MTCL2: variants seen among roughly 807,000 people sequenced by gnomAD.
MTCL2 encodes microtubule cross-linking factor 2.
chr20:36,843,382 C>T, the MTCL2 span, among the ~76,000 whole-genome samples: 1 of 152,170 alleles, frequency 6.6e-6, no homozygotes. Flanking sequence ...GTTTTCCTGC[C>T]CATCGGTTTG....
At chr20:36,787,959 G>A in the MTCL2 span, among the ~76,000 whole-genome samples, 36 of 149,756 alleles carry the variant, frequency 2.4e-4, no homozygotes, top group Non-Finnish European at 5.0e-4. Context: ...CCAGCACTTT[G>A]GGAGGCTATG....
At chr20:36,849,475 C>A in the MTCL2 span, among the ~76,000 whole-genome samples, 1 of 152,146 alleles carries the variant, frequency 6.6e-6, no homozygotes, top group African/African-American at 2.4e-5. Context: ...CTCTGTGTCA[C>A]CCAGGCTGGA....
At chr20:36,837,852 C>T in the MTCL2 span, among the ~76,000 whole-genome samples, 1 of 152,176 alleles carries the variant, frequency 6.6e-6, no homozygotes, top group African/African-American at 2.4e-5. Context: ...GCTGGGATTA[C>T]AGGCATGAGC....
chr20:36,786,365 C>T, the MTCL2 span: 430,632 of 1,348,878 alleles, frequency 0.32, 72,129 homozygotes, highest in Middle Eastern at 0.43. Context: ...TCACTGCTGT[C>T]CCTCCAGGGC....
chr20:36,862,636 C>G, the MTCL2 span: 1 of 1,487,552 alleles, frequency 6.7e-7, no homozygotes, highest in South Asian at 1.3e-5. Flanking sequence ...TGCGACCTCC[C>G]TTTCTACCCG....
At chr20:36,795,101 G>A in the MTCL2 span, among the ~76,000 whole-genome samples, 1 of 152,072 alleles carries the variant, frequency 6.6e-6, no homozygotes, top group African/African-American at 2.4e-5. Context: ...ACCACGCCCA[G>A]CTAATTTTTG....
chr20:36,844,574 C>T, the MTCL2 span, among the ~76,000 whole-genome samples: 1 of 151,768 alleles, frequency 6.6e-6, no homozygotes, highest in African/African-American at 2.4e-5. Flanking sequence ...CCTGTGGCCC[C>T]AGCTACTTGG....
chr20:36,862,770 G>A, the MTCL2 span: 2 of 1,442,902 alleles, frequency 1.4e-6, no homozygotes, highest in East Asian at 5.9e-5. Flanking sequence ...GGCGCTGAGC[G>A]GCAAGCGGCT....
At chr20:36,860,949 C>G in the MTCL2 span, among the ~76,000 whole-genome samples, 38 of 152,154 alleles carry the variant, frequency 2.5e-4, no homozygotes, top group Non-Finnish European at 4.9e-4. Context: ...ACTGTTTTCC[C>G]CTTTAAACAG....
At chr20:36,789,932 A>G in the MTCL2 span, among the ~76,000 whole-genome samples, 5,874 of 151,068 alleles carry the variant, frequency 0.039, 203 homozygotes, top group African/African-American at 0.096. Flanking sequence ...TCATGCCTCA[A>G]TCACCCAAGT....
At chr20:36,808,563 G>A in the MTCL2 span, 102 of 1,610,228 alleles carry the variant, frequency 6.3e-5, no homozygotes, top group Non-Finnish European at 8.0e-5. Flanking sequence ...TGCCGCCAGC[G>A]CTTGAGGAAC....
At chr20:36,853,898 T>G in the MTCL2 span, among the ~76,000 whole-genome samples, 1 of 152,162 alleles carries the variant, frequency 6.6e-6, no homozygotes, top group Non-Finnish European at 1.5e-5. Flanking sequence ...CGCCTGACAG[T>G]TTCCTCCCAT....
the MTCL2 span, among the ~76,000 whole-genome samples, chr20:36,858,777 C>T: frequency 6.6e-6 from 1 of 152,116 alleles, no homozygotes; most frequent in Non-Finnish European, 1.5e-5. Context: ...GTTGTCCAGG[C>T]AGGTTCCATC....
At chr20:36,805,215 T>C in the MTCL2 span, among the ~76,000 whole-genome samples, 1 of 152,094 alleles carries the variant, frequency 6.6e-6, no homozygotes, top group Non-Finnish European at 1.5e-5. Context: ...CGTGGGTCCT[T>C]CTCCTCACTC....
At chr20:36,856,566 CAGGAGCTGGGCATCA>C in the MTCL2 span, among the ~76,000 whole-genome samples, 1 of 152,214 alleles carries the variant, frequency 6.6e-6, no homozygotes, top group South Asian at 2.1e-4. Flanking sequence ...GCCCTGGGCC[CAGGAGCTGGGCATCA>C]GGGACCTGGG....
the MTCL2 span, among the ~76,000 whole-genome samples, chr20:36,807,372 G>A: frequency 6.6e-6 from 1 of 152,150 alleles, no homozygotes; most frequent in African/African-American, 2.4e-5. Flanking sequence ...ATCTGGACAG[G>A]GGACTACAGA....
At chr20:36,839,536 G>T in the MTCL2 span, 1 of 1,126,614 alleles carries the variant, frequency 8.9e-7, no homozygotes. The surrounding 1 kb of genome is among the most constrained non-coding windows in gnomAD (Gnocchi z 5.1). Flanking sequence ...AAGCACCGTG[G>T]GGGACCTGGA....
chr20:36,826,811 G>A, the MTCL2 span, among the ~76,000 whole-genome samples: 3 of 152,142 alleles, frequency 2.0e-5, no homozygotes, highest in Non-Finnish European at 2.9e-5. Context: ...ATGAACACGG[G>A]TGTGTAAATA....
the MTCL2 span, chr20:36,817,266 CAAAAAAAAAAAAAAA>C: frequency 1.7e-5 from 9 of 517,046 alleles, no homozygotes; most frequent in Non-Finnish European, 2.7e-5. Context: ...GACTCCGTCT[CAAAAAAAAAAAAAAA>C]AAAGAAAAGA....
Sources: gnomAD v4.1 joint callset for allele counts (sites outside exome capture counted in the v4.1 genomes callset) on GRCh38, gnomAD v4.1.1 for gene constraint, Gnocchi (gnomAD v3.1) non-coding constraint, MANE v1.5 for transcripts, NCBI Gene and HGNC (gene_info 2026-07-23, HGNC 2026-07-21) for gene names.